Variants in CDH10 observed in about 807,000 individuals in gnomAD.
CDH10 encodes the protein cadherin-10.
In CDH10, 30 loss-of-function variants were observed where a neutral mutation model predicts 73.1. That is an observed-to-expected ratio of 0.41 (90% confidence interval 0.31 to 0.56). The LOEUF (loss-of-function observed/expected upper bound fraction) is 0.56, where lower values mean the gene tolerates loss of function less well. Ranked by LOEUF, CDH10 falls within the 20% of genes least tolerant of loss-of-function variation. CDH10 has a pLI of 0.27. For missense variants in CDH10, 815 were observed against 973.7 expected, an observed-to-expected ratio of 0.84 and a Z score of 2.17; for synonymous variants, 345 against 348.2, an observed-to-expected ratio of 0.99 and a Z score of 0.10.
intron 2 of CDH10, among the ~76,000 whole-genome samples, chr5:24,550,934 C>A (rs1175982092): frequency 6.6e-6 from 1 of 152,100 alleles, no homozygotes; most frequent in African/African-American, 2.4e-5. Flanking sequence ...CCCTTAGCTT[C>A]TTTTTCGGTC....
At chr5:24,495,670 A>AACCCTGC (rs2111666467) in intron 9 of CDH10, among the ~76,000 whole-genome samples, 1 of 151,922 alleles carries the variant, frequency 6.6e-6, no homozygotes, top group African/African-American at 2.4e-5. Flanking sequence ...AACATGGTGA[A>AACCCTGC]ACCCTGCCTC....
rs760235178 is a variant in CDH10, at chr5:24,505,214, T to C, written c.1291A>G (p.Ile431Val). ...CCATTTCCTGAATGAATGTTAAAGA[T>C]TCTGTCAAGGTCAGTATGGCGATCC... ...SLDRHTDLDRIFNIHSGNGSL... is the reference protein window; with the variant it reads ...SLDRHTDLDRVFNIHSGNGSL... The change falls in exon 8 of 12, where the codon ATC becomes GTC. Residue 431 changes from isoleucine (I) to valine (V), a missense_variant. Coordinates refer to ENST00000264463, the MANE Select transcript of CDH10 (RefSeq NM_006727.5). 4.3e-6 allele frequency: 7 copies of C among 1,613,112 alleles called. No homozygotes were observed. In the South Asian group the frequency reaches 5.5e-5, roughly 13 times the overall value.
At chr5:24,502,285 A>T (rs550895829) in intron 8 of CDH10, among the ~76,000 whole-genome samples, 8 of 152,324 alleles carry the variant, frequency 5.3e-5, no homozygotes, top group African/African-American at 1.9e-4. Context: ...GATATGATGC[A>T]CTAAATAATT....
chr5:24,523,381 T>C (rs1410470339), intron 5 of CDH10, among the ~76,000 whole-genome samples: 1 of 152,062 alleles, frequency 6.6e-6, no homozygotes, highest in Non-Finnish European at 1.5e-5. Flanking sequence ...TACATGCATT[T>C]AATACTCTAG....
intron 2 of CDH10, among the ~76,000 whole-genome samples, chr5:24,573,948 G>A (rs1358665187): frequency 2.0e-5 from 3 of 150,822 alleles, no homozygotes; most frequent in African/African-American, 4.9e-5. Flanking sequence ...GCAGTGGCGC[G>A]ATCTCCGCTC....
At chr5:24,634,831 GA>G (rs1747815737) in intron 1 of CDH10, among the ~76,000 whole-genome samples, 2 of 151,298 alleles carry the variant, frequency 1.3e-5, no homozygotes, top group Non-Finnish European at 3.0e-5. Flanking sequence ...AAAACTGAAA[GA>G]AAAAAACTGT....
chr5:24,510,558 T>C (rs1742864375), intron 6 of CDH10, among the ~76,000 whole-genome samples: 2 of 152,216 alleles, frequency 1.3e-5, no homozygotes, highest in South Asian at 2.1e-4. Flanking sequence ...AAGATTCTAT[T>C]TGTATTACTG....
chr5:24,633,878 A>G (rs373844997), intron 1 of CDH10, among the ~76,000 whole-genome samples: 24 of 151,960 alleles, frequency 1.6e-4, no homozygotes, highest in African/African-American at 5.8e-4. Flanking sequence ...AAGCCAGAAA[A>G]CATTGTGTAC....
chr5:24,563,533 A>T (rs1277373967), intron 2 of CDH10, among the ~76,000 whole-genome samples: 1 of 147,020 alleles, frequency 6.8e-6, no homozygotes, highest in African/African-American at 2.5e-5. Flanking sequence ...AGGTGGGCGG[A>T]TCACGAGGTC....
At chr5:24,634,560 G>A (rs1317642617) in intron 1 of CDH10, among the ~76,000 whole-genome samples, 1 of 151,644 alleles carries the variant, frequency 6.6e-6, no homozygotes, top group African/African-American at 2.4e-5. Flanking sequence ...ATTTAATCAA[G>A]ATGATAAGAA....
At chr5:24,560,224 G>A (rs868164589) in intron 2 of CDH10, among the ~76,000 whole-genome samples, 3,188 of 149,652 alleles carry the variant, frequency 0.021, 93 homozygotes, top group African/African-American at 0.056. Context: ...GTGTGTGTGT[G>A]TGTGTGTGTG....
At chr5:24,508,404 AT>A (rs1367747674) in intron 7 of CDH10, among the ~76,000 whole-genome samples, 2 of 152,116 alleles carry the variant, frequency 1.3e-5, no homozygotes, top group South Asian at 4.2e-4. Flanking sequence ...ATGTTCTCAT[AT>A]TTTTTGAAAA....
In CDH10 at chr5:24,566,442, C is replaced by T. The variant is rs566891439; in HGVS notation, c.231+26818G>A. 7.2e-5 allele frequency among the ~76,000 whole-genome samples: 11 copies of T among 152,214 alleles called. No homozygotes were observed. The East Asian group carries it at 2.1e-3, about 29-fold the overall frequency. On this transcript the variant is annotated intron_variant, in intron 2 of 11. Coordinates refer to ENST00000264463, the MANE Select transcript of CDH10 (RefSeq NM_006727.5). Reference sequence around the variant, plus strand: ...TTTTCAAAATACTTGGAGAATAAAACACAGTTGGTGCCTTACTTTTGAAGC... The same window carrying T: ...TTTTCAAAATACTTGGAGAATAAAATACAGTTGGTGCCTTACTTTTGAAGC...
At chr5:24,515,528 A>C (rs1743076617) in intron 5 of CDH10, among the ~76,000 whole-genome samples, 1 of 152,240 alleles carries the variant, frequency 6.6e-6, no homozygotes, top group African/African-American at 2.4e-5. Flanking sequence ...TTCCGTTTAC[A>C]ATCACTTATG....
At chr5:24,622,461 A>T (rs1747350533) in intron 1 of CDH10, among the ~76,000 whole-genome samples, 1 of 152,192 alleles carries the variant, frequency 6.6e-6, no homozygotes, top group Admixed American at 6.5e-5. Context: ...AGCAGGCTGC[A>T]GAATTTGGAA....
intron 2 of CDH10, among the ~76,000 whole-genome samples, chr5:24,574,328 T>C (rs1745516922): frequency 6.6e-6 from 1 of 152,156 alleles, no homozygotes; most frequent in East Asian, 1.9e-4. Flanking sequence ...GTATCTATTA[T>C]TCAATTCATT....
At chr5:24,634,917 C>T (rs1747819045) in intron 1 of CDH10, among the ~76,000 whole-genome samples, 1 of 151,290 alleles carries the variant, frequency 6.6e-6, no homozygotes. Context: ...TATTTTATGA[C>T]CTCAATGTAT....
At chr5:24,575,352 C>CAAA (rs1388761427) in intron 2 of CDH10, among the ~76,000 whole-genome samples, 27 of 47,132 alleles carry the variant, frequency 5.7e-4, no homozygotes, top group South Asian at 2.1e-3. Flanking sequence ...ACAACAAAAA[C>CAAA]AACAAAAAAA....
chr5:24,604,857 G>T (rs1311665313), intron 1 of CDH10, among the ~76,000 whole-genome samples: 2 of 130,280 alleles, frequency 1.5e-5, no homozygotes, highest in African/African-American at 3.5e-5. Flanking sequence ...TGGGGAACAA[G>T]AGCAAGATGT....
Sources: allele counts gnomAD v4.1 joint callset (sites outside exome capture counted in the v4.1 genomes callset), GRCh38; gene constraint gnomAD v4.1.1; transcripts MANE v1.5; gene names NCBI Gene and HGNC (gene_info 2026-07-23, HGNC 2026-07-21).